TMEM132C: variants seen among roughly 807,000 people sequenced by gnomAD.
TMEM132C encodes transmembrane protein 132C, also known as protein phosphatase 1, regulatory subunit 152.
A neutral mutation model predicts 61.4 loss-of-function variants in TMEM132C; 29 were observed. That is an observed-to-expected ratio of 0.47 (90% CI 0.35 to 0.64). The LOEUF (loss-of-function observed/expected upper bound fraction) is 0.64, where lower values mean the gene tolerates loss of function less well. Ranked by LOEUF, TMEM132C falls within the 30% of genes least tolerant of loss-of-function variation. TMEM132C has a pLI of 0.00. For synonymous variants in TMEM132C, 656 were observed against 633.1 expected (o/e 1.04, Z -0.54); for missense variants, 1,408 against 1,476.9 (o/e 0.95, Z 0.76).
intron 4 of TMEM132C, among the ~76,000 whole-genome samples, chr12:128,653,737 C>T (rs1041000382): frequency 1.3e-5 from 2 of 152,262 alleles, no homozygotes; most frequent in Middle Eastern, 3.4e-3. Flanking sequence ...TGGAACAGCA[C>T]CTGGTACTTG....
chr12:128,641,876 C>A (rs1954160344), intron 4 of TMEM132C, among the ~76,000 whole-genome samples: 1 of 151,804 alleles, frequency 6.6e-6, no homozygotes. Flanking sequence ...CTCACTGCAA[C>A]CTCCACCTCT....
At chr12:128,411,149 T>A (rs1868523049) in intron 1 of TMEM132C, among the ~76,000 whole-genome samples, 1 of 152,216 alleles carries the variant, frequency 6.6e-6, no homozygotes, top group Non-Finnish European at 1.5e-5. Flanking sequence ...TCAATTTTGG[T>A]CACTTGGTTA....
intron 4 of TMEM132C, among the ~76,000 whole-genome samples, chr12:128,621,550 A>T (rs1167751493): frequency 6.6e-6 from 1 of 152,158 alleles, no homozygotes; most frequent in Admixed American, 6.5e-5. Context: ...CTTCAGAGGG[A>T]TTGTGTTGCA....
chr12:128,318,883 A>G (rs2135932928), intron 1 of TMEM132C, among the ~76,000 whole-genome samples: 1 of 152,368 alleles, frequency 6.6e-6, no homozygotes, highest in Non-Finnish European at 1.5e-5. Context: ...AGAGTACTCC[A>G]GCAGGAGTCA....
At chr12:128,515,372 G>A (rs944042585) in intron 2 of TMEM132C, among the ~76,000 whole-genome samples, 1 of 152,196 alleles carries the variant, frequency 6.6e-6, no homozygotes, top group African/African-American at 2.4e-5. Flanking sequence ...TACTCTAGCC[G>A]AGGTGCAAAA....
intron 2 of TMEM132C, among the ~76,000 whole-genome samples, chr12:128,505,508 G>C (rs1370629841): frequency 1.3e-5 from 2 of 152,092 alleles, no homozygotes; most frequent in Non-Finnish European, 2.9e-5. Context: ...TTGGGGCCCT[G>C]GTACCCACCC....
intron 5 of TMEM132C, among the ~76,000 whole-genome samples, chr12:128,692,089 A>G (rs1347039077): frequency 2.0e-5 from 3 of 151,364 alleles, no homozygotes; most frequent in African/African-American, 4.9e-5. Flanking sequence ...CCATCCGTTC[A>G]TGTGTCTGTC....
intron 2 of TMEM132C, among the ~76,000 whole-genome samples, chr12:128,431,264 C>T (rs1869376617): frequency 6.6e-6 from 1 of 152,178 alleles, no homozygotes; most frequent in African/African-American, 2.4e-5. Context: ...CAGAGCATGG[C>T]TCTAGTTCTG....
intron 1 of TMEM132C, among the ~76,000 whole-genome samples, chr12:128,298,452 GC>G (rs1871490550): frequency 6.6e-6 from 1 of 151,990 alleles, no homozygotes; most frequent in Admixed American, 6.6e-5. Flanking sequence ...ACAGGAAGTT[GC>G]ATAAAATAGT....
At chr12:128,318,949 T>TC (rs935287804) in intron 1 of TMEM132C, among the ~76,000 whole-genome samples, 7 of 152,166 alleles carry the variant, frequency 4.6e-5, no homozygotes, top group African/African-American at 1.2e-4. Flanking sequence ...CAAAAACACT[T>TC]CCCCCCAGAC....
chr12:128,377,526 G>A (rs1416908465), intron 1 of TMEM132C, among the ~76,000 whole-genome samples: 1 of 152,212 alleles, frequency 6.6e-6, no homozygotes, highest in Non-Finnish European at 1.5e-5. Context: ...AGGTATTTAA[G>A]AGTCAGACTA....
In TMEM132C at chr12:128,381,923, G is replaced by A. The variant is rs145246146; in HGVS notation, c.86-32809G>A. On this transcript the variant is annotated intron_variant, in intron 1 of 8. Coordinates refer to ENST00000435159, the MANE Select transcript of TMEM132C (RefSeq NM_001136103.3). Reference sequence around the variant, plus strand: ...TTGCTTTTAAGAGGAAGACAACCCCGCAAAGGGGAAACCGTCTCGGATACA... The same window carrying A: ...TTGCTTTTAAGAGGAAGACAACCCCACAAAGGGGAAACCGTCTCGGATACA... Among the ~76,000 whole-genome samples the A allele has an allele frequency of 4.0e-3, 607 of 152,232 alleles. 4 individuals carry two copies. Among genetic ancestry groups the A allele is most frequent in the Admixed American group, 7.1e-3 (109 of 15,302 alleles).
chr12:128,488,893 TA>T (rs1201822022), intron 2 of TMEM132C, among the ~76,000 whole-genome samples: 1 of 152,148 alleles, frequency 6.6e-6, no homozygotes, highest in Admixed American at 6.6e-5. Context: ...CTTTTATAAA[TA>T]AAATTTTCTC....
intron 1 of TMEM132C, among the ~76,000 whole-genome samples, chr12:128,317,787 A>G (rs555184986): frequency 1.3e-5 from 2 of 152,314 alleles, no homozygotes; most frequent in South Asian, 2.1e-4. Flanking sequence ...AGGGAGGCTG[A>G]GGCAGGAGGA....
At chr12:128,639,721 A>G (rs12832016) in intron 4 of TMEM132C, among the ~76,000 whole-genome samples, 58,487 of 151,894 alleles carry the variant, frequency 0.39, 13,272 homozygotes, top group African/African-American at 0.64. Flanking sequence ...ATCCCTGTTC[A>G]CCTGAAACTG....
chr12:128,271,733 T>A (rs1870529122), intron 1 of TMEM132C, among the ~76,000 whole-genome samples: 1 of 152,224 alleles, frequency 6.6e-6, no homozygotes, highest in Admixed American at 6.5e-5. Context: ...CAACCTCTTC[T>A]TCGTTCATCT....
In TMEM132C at chr12:128,604,196, A is replaced by T. The variant is rs369141273; in HGVS notation, c.1122-11956A>T. 5.3e-5 allele frequency among the ~76,000 whole-genome samples: 8 copies of T among 152,274 alleles called. No homozygotes were observed. In the East Asian group the frequency reaches 1.5e-3, roughly 29 times the overall value. On this transcript the variant is annotated intron_variant, in intron 3 of 8. Coordinates refer to ENST00000435159, the MANE Select transcript of TMEM132C (RefSeq NM_001136103.3). The stretch of plus-strand genomic sequence containing the variant: ...GTAGACAGATTTATGGATACGTGGG[A>T]TGGATGGATAGATATGATAGGTTGA...
chr12:128,357,992 G>A (rs1480406637), intron 1 of TMEM132C, among the ~76,000 whole-genome samples: 2 of 152,068 alleles, frequency 1.3e-5, no homozygotes, highest in African/African-American at 2.4e-5. Flanking sequence ...CTTGGTCCCC[G>A]GGGGTTTTGT....
At chr12:128,671,615 GA>G (rs1489657808) in intron 5 of TMEM132C, among the ~76,000 whole-genome samples, 1 of 152,080 alleles carries the variant, frequency 6.6e-6, no homozygotes, top group Admixed American at 6.5e-5. Context: ...AAATGGCATG[GA>G]AAAACACTTC....
Sources: allele counts gnomAD v4.1 joint callset (sites outside exome capture counted in the v4.1 genomes callset), GRCh38; gene constraint gnomAD v4.1.1; transcripts MANE v1.5; gene names NCBI Gene and HGNC (gene_info 2026-07-23, HGNC 2026-07-21).